LAMA1: variants seen among roughly 807,000 people sequenced by gnomAD.
The protein encoded by LAMA1 is laminin subunit alpha-1.
In LAMA1, 219 loss-of-function variants were observed where a neutral mutation model predicts 348.7. The observed-to-expected ratio is 0.63, with a 90% confidence interval of 0.56 to 0.70. The LOEUF (loss-of-function observed/expected upper bound fraction) is 0.70. Ranked by LOEUF, LAMA1 falls within the 30% of genes least tolerant of loss-of-function variation. The probability of loss-of-function intolerance (pLI) is 0.00; values close to 1 mark genes in which losing one functional copy is unlikely to be tolerated. For missense variants in LAMA1, 3,744 were observed against 3,888.0 expected, an observed-to-expected ratio of 0.96 and a Z score of 0.99; for synonymous variants, 1,487 against 1,491.0, an observed-to-expected ratio of 1.00 and a Z score of 0.06.
intron 4 of LAMA1, among the ~76,000 whole-genome samples, chr18:7,049,588 C>T (rs1405219916): frequency 6.6e-6 from 1 of 152,198 alleles, no homozygotes; most frequent in Non-Finnish European, 1.5e-5. Flanking sequence ...CATGAGCCAC[C>T]ATACCTGACC....
At chr18:7,008,671 C>T in intron 27 of LAMA1, 63 bp from the exon 28 acceptor site, 1 of 1,583,186 alleles carries the variant, frequency 6.3e-7, no homozygotes, top group South Asian at 1.1e-5. Context: ...AGAAACATAG[C>T]ACATGACCTA....
At chr18:6,959,683 T>C in intron 53 of LAMA1, 191 bp from the exon 54 acceptor site, 1 of 645,580 alleles carries the variant, frequency 1.5e-6, no homozygotes. Context: ...TAATTTATAT[T>C]CTGCATTATG....
At chr18:6,946,441 G>A (rs948312159) in intron 61 of LAMA1, among the ~76,000 whole-genome samples, 1 of 152,118 alleles carries the variant, frequency 6.6e-6, no homozygotes, top group Non-Finnish European at 1.5e-5. Flanking sequence ...TCTTGATTGT[G>A]CTAGAAAAAT....
chr18:7,090,205 T>G (rs969595520), intron 1 of LAMA1, among the ~76,000 whole-genome samples: 3 of 152,218 alleles, frequency 2.0e-5, no homozygotes, highest in African/African-American at 7.2e-5. Flanking sequence ...AAACCACTAC[T>G]AAATGAACTC....
intron 61 of LAMA1, among the ~76,000 whole-genome samples, chr18:6,946,257 A>C (rs2057520920): frequency 6.6e-6 from 1 of 152,138 alleles, no homozygotes; most frequent in Non-Finnish European, 1.5e-5. Context: ...GAGTGTGAAA[A>C]GCTGATCTCA....
intron 1 of LAMA1, among the ~76,000 whole-genome samples, chr18:7,105,712 T>C (rs1235972955): frequency 1.3e-5 from 2 of 152,142 alleles, no homozygotes; most frequent in Admixed American, 6.5e-5. Context: ...TTTTTAAATT[T>C]TGGATGAATT....
At chr18:7,101,396 G>C (rs1234670040) in intron 1 of LAMA1, among the ~76,000 whole-genome samples, 1 of 152,244 alleles carries the variant, frequency 6.6e-6, no homozygotes, top group South Asian at 2.1e-4. Context: ...TCCAGCATTA[G>C]GAAGGCGGCC....
Position 6,977,853 on chromosome 18 carries a change from G to A in LAMA1, c.6219C>T (p.Asp2073=), listed in dbSNP as rs751773541. Residue 2073 remains aspartate (D), a synonymous_variant, in exon 44 of 63, where the codon GAC becomes GAT. Transcript: ENST00000389658. The stretch of plus-strand genomic sequence containing the variant: ...ACAAAAGGTTGGCTTGAATTTCCAC[G>A]TCTTTGACTTTTCTTCCAGCCAACA... ...ATLLAGRKVK[D]VEIQANLLFD... is the part of the protein sequence containing the mutation. The A allele has an allele frequency of 9.3e-6, 15 of 1,613,354 alleles. 1 individual carries two copies. The Middle Eastern group carries it at 4.9e-4, about 53-fold the overall frequency.
chr18:7,105,347 C>A lies in LAMA1; in HGVS notation c.61+12313G>T, dbSNP rs557863945. On this transcript the variant is annotated intron_variant, in intron 1 of 62. Transcript: ENST00000389658. ...CCAGCTACTTGGGAGGCTGAGGTGG[C>A]AGAATTGCTTGAACCCGGGAGGCGG... 3.5e-4 allele frequency among the ~76,000 whole-genome samples: 53 copies of A among 151,912 alleles called. No individual in the cohort carries two copies. In the South Asian group the frequency reaches 4.2e-3, roughly 12 times the overall value.
At position 7,046,357 on chromosome 18, in the gene LAMA1, GAAT is replaced by G; in HGVS notation, c.776_778del (p.Tyr259del). 6.3e-7 allele frequency: 1 copy of G among 1,593,772 alleles called. No homozygotes were observed. Among genetic ancestry groups the G allele is most frequent in the Non-Finnish European group, 8.6e-7 (1 of 1,163,942 alleles). On this transcript the variant is annotated inframe_deletion, in exon 6 of 63. Transcript: ENST00000389658. ...GCCTCCAACAGAAATGTCCTTTATT[GAAT>G]AATAATACTAAGGAAAAAGAAAGTT...
At chr18:6,995,286 C>T in intron 34 of LAMA1, 71 bp downstream of exon 34, 2 of 1,013,324 alleles carry the variant, frequency 2.0e-6, no homozygotes, top group Admixed American at 1.7e-5. Context: ...CAGACAGCCC[C>T]AAGGCAACTG....
intron 23 of LAMA1, 25 bp from the exon 24 acceptor site, chr18:7,012,163 C>A: frequency 6.2e-7 from 1 of 1,612,454 alleles, no homozygotes; most frequent in Non-Finnish European, 8.5e-7. Context: ...ATAAAGGACT[C>A]GTTTTTGCCT....
Position 7,037,564 on chromosome 18 carries a change from A to C in LAMA1, c.1737+14T>G. On this transcript the variant is annotated intron_variant, in intron 12 of 62. Transcript: ENST00000389658. ...CTTCATCTGAGACATCGCTACCTGCAGGGTCACACGCACCTTATTTCCAAG... is the reference window on the plus strand; with the variant it reads ...CTTCATCTGAGACATCGCTACCTGCCGGGTCACACGCACCTTATTTCCAAG... 1 of 1,613,862 alleles carries C rather than the reference A, an allele frequency of 6.2e-7. No individual in the cohort carries two copies. The highest frequency in any genetic ancestry group is 1.1e-5 in the South Asian group (1 of 91,070).
At chr18:7,043,002 C>A in intron 8 of LAMA1, 3 of 571,068 alleles carry the variant, frequency 5.3e-6, no homozygotes, top group Non-Finnish European at 9.3e-6. Flanking sequence ...GATTACATAG[C>A]TAATGGACCC....
intron 55 of LAMA1, chr18:6,957,039 G>T (rs1023442356): frequency 2.8e-5 from 12 of 422,300 alleles, no homozygotes; most frequent in Non-Finnish European, 5.3e-5. Flanking sequence ...GGTCAGCTCC[G>T]ATGCCATCGC....
At position 6,947,143 on chromosome 18, in the gene LAMA1, C is replaced by T; in HGVS notation, c.8844+20G>A. The T allele has an allele frequency of 1.2e-6, 2 of 1,614,134 alleles. No individual in the cohort carries two copies. Among genetic ancestry groups the T allele is most frequent in the Non-Finnish European group, 1.7e-6 (2 of 1,180,022 alleles). On this transcript the variant is annotated intron_variant, in intron 61 of 62. Coordinates refer to ENST00000389658, the MANE Select transcript of LAMA1 (RefSeq NM_005559.4). ...CTGACACTGGGGGGAGGAAGACCCT[C>T]ATGGAGAGGAAGCACCCACCTTGCC...
chr18:7,026,207 A>C, intron 16 of LAMA1, 101 bp from the exon 17 acceptor site: 8 of 1,432,848 alleles, frequency 5.6e-6, no homozygotes, highest in Non-Finnish European at 6.7e-6. Context: ...AAAAGACAAA[A>C]TGCTAAAACC....
intron 1 of LAMA1, among the ~76,000 whole-genome samples, chr18:7,095,609 C>A (rs1397708408): frequency 6.6e-6 from 1 of 152,200 alleles, no homozygotes. Flanking sequence ...GGCTATGGGC[C>A]CAAGCAGCCC....
intron 36 of LAMA1, 145 bp downstream of exon 36, chr18:6,992,416 T>G: frequency 1.2e-6 from 1 of 860,466 alleles, no homozygotes; most frequent in South Asian, 1.4e-5. Flanking sequence ...CTTCATTTAC[T>G]TGACCACAGG....
Sources: allele counts gnomAD v4.1 joint callset (sites outside exome capture counted in the v4.1 genomes callset), GRCh38; gene constraint gnomAD v4.1.1; transcripts MANE v1.5; gene names NCBI Gene and HGNC (gene_info 2026-07-23, HGNC 2026-07-21).